The following SORT1 variants were observed in gnomAD, a reference collection of about 807,000 sequenced individuals.
SORT1 encodes the protein sortilin.
SORT1 carries 39 observed loss-of-function variants against 101.7 expected under a neutral mutation model. The observed-to-expected ratio is 0.38, with a 90% CI of 0.30 to 0.50. The LOEUF is 0.50. SORT1 is among the 20% of genes least tolerant of loss of function. The pLI, the probability that SORT1 is intolerant of heterozygous loss-of-function variation, is 0.90. For synonymous variants in SORT1, 396 were observed against 393.7 expected (o/e 1.01, Z -0.07); for missense variants, 878 against 1,040.4 (o/e 0.84, Z 2.15).
chr1:109,364,271 G>A (rs1650936191), intron 3 of SORT1, among the ~76,000 whole-genome samples: 1 of 152,178 alleles, frequency 6.6e-6, no homozygotes, highest in African/African-American at 2.4e-5. Context: ...CAGTGACATG[G>A]CAGTATTGGT....
chr1:109,369,387 A>C, intron 2 of SORT1, 143 bp downstream of exon 2: 1 of 603,740 alleles, frequency 1.7e-6, no homozygotes. Flanking sequence ...AACTTCCTGA[A>C]AGTCTGTCTT....
At chr1:109,334,701 G>A (rs2101568591) in intron 11 of SORT1, among the ~76,000 whole-genome samples, 1 of 152,242 alleles carries the variant, frequency 6.6e-6, no homozygotes, top group South Asian at 2.1e-4. Context: ...AGATAATTGT[G>A]AGGTGATGCA....
At chr1:109,316,034 A>T (rs1220116645) in intron 17 of SORT1, among the ~76,000 whole-genome samples, 3 of 152,064 alleles carry the variant, frequency 2.0e-5, no homozygotes, top group Non-Finnish European at 4.4e-5. Flanking sequence ...TGCTGGGACT[A>T]TACAGGAGTA....
chr1:109,336,733 C>T (rs1321663737), intron 10 of SORT1, among the ~76,000 whole-genome samples: 4 of 151,088 alleles, frequency 2.6e-5, no homozygotes, highest in African/African-American at 4.9e-5. Flanking sequence ...CACTTGAACC[C>T]GGGAGGTGGG....
Position 109,374,666 on chromosome 1 carries a change from A to G in SORT1, c.307-5077T>C, listed in dbSNP as rs148156788. ...ATGAGTATTACAATGACTGAAATGA[A>G]AAGTACACTGGATAGGGTGCTGTGG... On this transcript the variant is annotated intron_variant, in intron 1 of 19. Transcript: ENST00000256637. 3.3e-5 allele frequency among the ~76,000 whole-genome samples: 5 copies of G among 151,958 alleles called. No individual in the cohort carries two copies. In the East Asian group the frequency reaches 9.8e-4, roughly 30 times the overall value.
intron 5 of SORT1, 108 bp from the exon 6 acceptor site, chr1:109,351,110 C>T (rs1476636359): frequency 6.1e-6 from 5 of 817,052 alleles, no homozygotes; most frequent in African/African-American, 5.0e-5. Context: ...AAAACACATA[C>T]TGAAGCTCCA....
chr1:109,310,645 AC>A lies in SORT1; in HGVS notation c.*3397del, dbSNP rs1658671135. The A allele has an allele frequency of 1.3e-5, 2 of 153,016 alleles. No homozygotes were observed. Among genetic ancestry groups the A allele is most frequent in the African/African-American group, 2.4e-5 (1 of 41,466 alleles). The allele number at this position is 153,016 out of a possible 1,614,324, so 9.5% of individuals were successfully genotyped here. Reference sequence around the variant, plus strand: ...AATATAGGGGCGAGGGGCTACACTGACAATGAGCAGGATGCACTCTAGGTCA... The same window carrying A: ...AATATAGGGGCGAGGGGCTACACTGAAATGAGCAGGATGCACTCTAGGTCA... On this transcript the variant is annotated 3_prime_UTR_variant, in exon 20 of 20. Transcript: ENST00000256637.
intron 8 of SORT1, 48 bp downstream of exon 8, chr1:109,345,703 G>A (rs1479633267): frequency 6.5e-7 from 1 of 1,539,238 alleles, no homozygotes. Context: ...CTATACGAGA[G>A]ATATTTGCAG....
chr1:109,338,072 A>G (rs1479902151), intron 10 of SORT1, among the ~76,000 whole-genome samples: 1 of 152,226 alleles, frequency 6.6e-6, no homozygotes, highest in Non-Finnish European at 1.5e-5. Context: ...ACTATGGAAA[A>G]TACTTGCGCA....
At chr1:109,367,261 G>A in intron 3 of SORT1, 147 bp downstream of exon 3, 1 of 573,568 alleles carries the variant, frequency 1.7e-6, no homozygotes, top group South Asian at 2.5e-5. Context: ...ACAAAAACAT[G>A]TGCTGAGTGT....
At chr1:109,354,042 G>A (rs1224226196) in intron 5 of SORT1, among the ~76,000 whole-genome samples, 1 of 152,160 alleles carries the variant, frequency 6.6e-6, no homozygotes, top group Admixed American at 6.5e-5. Flanking sequence ...ACAACATCAG[G>A]AGTTTGACAA....
intron 1 of SORT1, among the ~76,000 whole-genome samples, chr1:109,388,657 G>C (rs1400786609): frequency 6.6e-6 from 1 of 152,100 alleles, no homozygotes; most frequent in African/African-American, 2.4e-5. Context: ...GCATCTAACT[G>C]GTAATGTGTC....
intron 15 of SORT1, among the ~76,000 whole-genome samples, chr1:109,322,272 C>T (rs754095627): frequency 2.0e-4 from 30 of 151,994 alleles, no homozygotes; most frequent in Non-Finnish European, 3.7e-4. Flanking sequence ...TTCCTCTTTG[C>T]TCCTCTACCA....
intron 1 of SORT1, among the ~76,000 whole-genome samples, chr1:109,380,800 A>C (rs1652174571): frequency 9.1e-6 from 1 of 110,194 alleles, no homozygotes; most frequent in Non-Finnish European, 1.8e-5. Flanking sequence ...AACATGGCAA[A>C]ACCCTGTCGC....
chr1:109,339,966 T>A (rs1306002654), intron 10 of SORT1, among the ~76,000 whole-genome samples: 1 of 151,984 alleles, frequency 6.6e-6, no homozygotes, highest in African/African-American at 2.4e-5. Flanking sequence ...CTGGCCAACA[T>A]GGTGAAACCC....
Position 109,327,556 on chromosome 1 carries a change from T to G in SORT1, c.1417A>C (p.Asn473His), listed in dbSNP as rs1434369762. 1 of 1,612,212 alleles carries G rather than the reference T, an allele frequency of 6.2e-7. No individual in the cohort carries two copies. Among genetic ancestry groups the G allele is most frequent in the Non-Finnish European group, 8.5e-7 (1 of 1,179,474 alleles). Residue 473 changes from asparagine (N) to histidine (H), a missense_variant, in exon 12 of 20, where the codon AAT becomes CAT. Physicochemically the swap from Asn to His is moderately conservative, Grantham distance 68. Transcript: ENST00000256637. ...HASYSISQKL[N>H]VPMAPLSEPN... is the part of the protein sequence containing the mutation. ...TCTGAGAGTGGGGCCATTGGAACAT[T>G]CAGTTTCTGGGAGATGCTGTAGGAA...
At chr1:109,372,087 C>T (rs1354254046) in intron 1 of SORT1, among the ~76,000 whole-genome samples, 5 of 152,040 alleles carry the variant, frequency 3.3e-5, no homozygotes, top group Non-Finnish European at 7.4e-5. Context: ...CCTGCCACTT[C>T]AATGGGAGAA....
At chr1:109,373,932 T>TA (rs572468516) in intron 1 of SORT1, among the ~76,000 whole-genome samples, 48 of 151,482 alleles carry the variant, frequency 3.2e-4, no homozygotes, top group African/African-American at 1.1e-3. Context: ...AAAAACAATT[T>TA]AAAAAAATCA....
Position 109,367,462 on chromosome 1 carries a change from G to A in SORT1, c.386C>T (p.Thr129Ile), listed in dbSNP as rs762569219. ...CATAATTACCAGTGGTACATGGAAG[G>A]TAGTCAAGACTAGAATGACCTGGAG... ...DSTGVILVLTTFHVPLVIMTF... is the reference protein window; with the variant it reads ...DSTGVILVLTIFHVPLVIMTF... The change falls in exon 3 of 20, where the codon ACC becomes ATC. Residue 129 changes from threonine to isoleucine, a missense_variant. Thr to Ile is a moderately conservative substitution (Grantham distance 89, BLOSUM62 -1). Transcript: ENST00000256637. 6 of 1,605,170 alleles carry A rather than the reference G, an allele frequency of 3.7e-6. No homozygotes were observed. The South Asian group carries it at 5.5e-5, about 15-fold the overall frequency.
Sources: gnomAD v4.1 joint callset for allele counts (sites outside exome capture counted in the v4.1 genomes callset) on GRCh38, gnomAD v4.1.1 for gene constraint, MANE v1.5 for transcripts, NCBI Gene and HGNC (gene_info 2026-07-23, HGNC 2026-07-21) for gene names.